Variants in PCDHGB2 observed in about 807,000 individuals in gnomAD.
The protein encoded by PCDHGB2 is protocadherin gamma subfamily B, 2.
PCDHGB2 carries 55 observed loss-of-function variants against 59.3 expected under a neutral mutation model. The ratio of observed to expected loss-of-function variants is 0.93; its 90% confidence interval spans 0.75 to 1.16. PCDHGB2 has a LOEUF of 1.16. Among genes scored for constraint, PCDHGB2 ranks in the 50% most tolerant of loss-of-function variants. PCDHGB2 has a pLI of 0.00. For missense variants in PCDHGB2, 1,228 were observed against 1,198.5 expected (o/e 1.02, Z -0.36); for synonymous variants, 516 against 512.0 (o/e 1.01, Z -0.11).
chr5:141,427,611 G>A (rs747386422), intron 1 of PCDHGB2: 22 of 691,570 alleles, frequency 3.2e-5, no homozygotes, highest in Non-Finnish European at 5.5e-5. Context: ...CATTGGTGAA[G>A]TCAACGACAA....
chr5:141,509,179 C>T (rs895281717), intron 3 of PCDHGB2, among the ~76,000 whole-genome samples: 1 of 152,172 alleles, frequency 6.6e-6, no homozygotes, highest in African/African-American at 2.4e-5. Flanking sequence ...TCCTCTTATG[C>T]CGGCTTGAAA....
chr5:141,398,448 G>A lies in PCDHGB2; in HGVS notation c.2421+35892G>A, dbSNP rs1213915296. On this transcript the variant is annotated intron_variant, in intron 1 of 3. Coordinates refer to ENST00000522605, the MANE Select transcript of PCDHGB2 (RefSeq NM_018923.3). ...AGCCAGCTTGTGCTCTGGAATTTGAGGCTGTTGCTGAAAATCCACTGAACT... is the reference window on the plus strand; with the variant it reads ...AGCCAGCTTGTGCTCTGGAATTTGAAGCTGTTGCTGAAAATCCACTGAACT... 2.5e-6 allele frequency: 4 copies of A among 1,574,288 alleles called. No individual in the cohort carries two copies. In the Middle Eastern group the frequency reaches 5.2e-4, roughly 203 times the overall value.
chr5:141,492,557 G>A (rs2154587614), intron 1 of PCDHGB2, among the ~76,000 whole-genome samples: 1 of 152,350 alleles, frequency 6.6e-6, no homozygotes, highest in East Asian at 1.9e-4. Flanking sequence ...TCGCCTGGGG[G>A]GCGGCCTGAG....
intron 1 of PCDHGB2, chr5:141,415,519 A>T: frequency 1.9e-6 from 3 of 1,614,182 alleles, no homozygotes; most frequent in Non-Finnish European, 2.5e-6. Context: ...TTATGCGGAC[A>T]CGCTCATCAG....
chr5:141,403,074 A>T (rs777613681), intron 1 of PCDHGB2: 1 of 1,614,088 alleles, frequency 6.2e-7, no homozygotes, highest in South Asian at 1.1e-5. Context: ...GAGACAGAAA[A>T]GGGCTATATT....
At chr5:141,423,034 G>A (rs769232324) in intron 1 of PCDHGB2, 1 of 1,614,200 alleles carries the variant, frequency 6.2e-7, no homozygotes, top group Non-Finnish European at 8.5e-7. Context: ...AGGCCAGAAC[G>A]CCTGGCTGTC....
At position 141,485,163 on chromosome 5, in the gene PCDHGB2, G is replaced by A. The variant is rs2099608470; in HGVS notation, c.2422-9644G>A. 14 of 1,604,624 alleles carry A rather than the reference G, an allele frequency of 8.7e-6. No individual in the cohort carries two copies. The highest frequency in any genetic ancestry group is 1.1e-5 in the Non-Finnish European group (13 of 1,172,560). ...TCTCAGGAGCAAGTAGAGAATTAGCGGGCGGCAGCAATGCTCCGCAAGGTG... is the reference window on the plus strand; with the variant it reads ...TCTCAGGAGCAAGTAGAGAATTAGCAGGCGGCAGCAATGCTCCGCAAGGTG... On this transcript the variant is annotated intron_variant, in intron 1 of 3. Coordinates refer to ENST00000522605, the MANE Select transcript of PCDHGB2 (RefSeq NM_018923.3). The surrounding 1 kb of genome is among the most constrained non-coding windows in gnomAD (Gnocchi z 5.7).
chr5:141,374,893 TGAA>T, intron 1 of PCDHGB2: 1 of 1,613,834 alleles, frequency 6.2e-7, no homozygotes, highest in Non-Finnish European at 8.5e-7. Context: ...CCGACCAGGA[TGAA>T]GGAGTCCACG....
At position 141,403,374 on chromosome 5, in the gene PCDHGB2, A is replaced by G. The variant is rs1448394920; in HGVS notation, c.2421+40818A>G. 3.1e-6 allele frequency: 5 copies of G among 1,613,936 alleles called. No individual in the cohort carries two copies. The African/African-American group carries it at 6.7e-5, about 22-fold the overall frequency. ...TTCCAGGCCGAAAGTCTGGAAGTAA[A>G]AATTAACGAAATCGCGGTTCCTGGA... On this transcript the variant is annotated intron_variant, in intron 1 of 3. Transcript: ENST00000522605.
At chr5:141,456,057 C>T (rs2098842079) in intron 1 of PCDHGB2, among the ~76,000 whole-genome samples, 1 of 151,914 alleles carries the variant, frequency 6.6e-6, no homozygotes, top group South Asian at 2.1e-4. Context: ...ACCACCACGT[C>T]CGGCTAATTT....
At chr5:141,365,039 G>A (rs577848371) in intron 1 of PCDHGB2, 12 of 1,613,840 alleles carry the variant, frequency 7.4e-6, no homozygotes, top group Non-Finnish European at 9.3e-6. Flanking sequence ...CGACGCAAAC[G>A]ACAATGCGCC....
In PCDHGB2 at chr5:141,378,672, A is replaced by T. The variant is rs367846333; in HGVS notation, c.2421+16116A>T. ...GTTAATGAGGTTCAAATAAAAATTTAAATATTTTAGCATTTTAACCCAGAC... is the reference window on the plus strand; with the variant it reads ...GTTAATGAGGTTCAAATAAAAATTTTAATATTTTAGCATTTTAACCCAGAC... On this transcript the variant is annotated intron_variant, in intron 1 of 3. Coordinates refer to ENST00000522605, the MANE Select transcript of PCDHGB2 (RefSeq NM_018923.3). The T allele has an allele frequency of 1.8e-4, 28 of 152,392 alleles. 3 individuals are homozygous for T. Among genetic ancestry groups the T allele is most frequent in the Admixed American group, 1.5e-3 (23 of 15,312 alleles). 9.4% of individuals were successfully genotyped at this position (152,392 alleles called of 1,614,324 possible). A position where few individuals can be genotyped will look rare whatever the true frequency, so the allele number is the denominator to read the frequency against.
intron 1 of PCDHGB2, among the ~76,000 whole-genome samples, chr5:141,363,451 T>C (rs545023323): frequency 6.6e-6 from 1 of 152,378 alleles, no homozygotes; most frequent in Non-Finnish European, 1.5e-5. Context: ...TCAGTACTTC[T>C]CGACAAGTAT....
intron 1 of PCDHGB2, chr5:141,392,856 CT>C: frequency 1.9e-6 from 3 of 1,612,366 alleles, no homozygotes; most frequent in Non-Finnish European, 2.5e-6. Flanking sequence ...CGAGCTGATC[CT>C]GCTGTGCGCG....
chr5:141,417,525 C>G (rs1435259680), intron 1 of PCDHGB2: 1 of 272,692 alleles, frequency 3.7e-6, no homozygotes, highest in African/African-American at 2.2e-5. Flanking sequence ...GCTGTCAACT[C>G]GTAGTTTAAA....
intron 1 of PCDHGB2, chr5:141,409,618 G>C: frequency 6.2e-7 from 1 of 1,613,894 alleles, no homozygotes; most frequent in Non-Finnish European, 8.5e-7. Context: ...CCTCCATTGC[G>C]CAAGTGAGCG....
chr5:141,360,940 C>A lies in PCDHGB2; in HGVS notation c.805C>A (p.Arg269=), dbSNP rs753520735. 3.7e-6 allele frequency: 6 copies of A among 1,613,772 alleles called. No individual in the cohort carries two copies. Among genetic ancestry groups the A allele is most frequent in the South Asian group, 2.2e-5 (2 of 91,082 alleles). Residue 269 remains arginine (R), a synonymous_variant, in exon 1 of 4, where the codon CGG becomes AGG. Coordinates refer to ENST00000522605, the MANE Select transcript of PCDHGB2 (RefSeq NM_018923.3). ...FFVLQVTATD[R]DEGINAEITY... Reference sequence around the variant, plus strand: ...TGTGCTTCAAGTGACAGCCACCGACCGGGATGAAGGCATAAACGCAGAGAT... The same window carrying A: ...TGTGCTTCAAGTGACAGCCACCGACAGGGATGAAGGCATAAACGCAGAGAT...
In PCDHGB2 at chr5:141,490,363, C is replaced by T. The variant is rs779932482; in HGVS notation, c.2422-4444C>T. 10 of 1,614,036 alleles carry T rather than the reference C, an allele frequency of 6.2e-6. No individual in the cohort carries two copies. The highest frequency in any genetic ancestry group is 1.3e-5 in the African/African-American group (1 of 74,904). The stretch of plus-strand genomic sequence containing the variant: ...CACAGTAGTGGGGTTGTTTAATGTG[C>T]GAGACCGGGACTCAGGTAGAAATGG... On this transcript the variant is annotated intron_variant, in intron 1 of 3. Coordinates refer to ENST00000522605, the MANE Select transcript of PCDHGB2 (RefSeq NM_018923.3). The surrounding 1 kb of genome is among the most constrained non-coding windows in gnomAD (Gnocchi z 5.4).
rs978782104 is a variant in PCDHGB2 at position 141,431,445 on chromosome 5, G to C, written c.2422-63362G>C. 1 of 1,613,742 alleles carries C rather than the reference G, an allele frequency of 6.2e-7. No homozygotes were observed. On this transcript the variant is annotated intron_variant, in intron 1 of 3. Transcript: ENST00000522605. This position sits in a 1 kb window ranked among gnomAD's most constrained non-coding sequence, Gnocchi z 4.8. ...GTGCGCACAGGCACCGCGCGCATCC[G>C]CGTGATGGTTCTGGATGCGAACGAC...
Sources: allele counts gnomAD v4.1 joint callset (sites outside exome capture counted in the v4.1 genomes callset), GRCh38; gene constraint gnomAD v4.1.1; non-coding constraint Gnocchi (gnomAD v3.1); transcripts MANE v1.5; gene names NCBI Gene and HGNC (gene_info 2026-07-23, HGNC 2026-07-21).